The following NYAP2 variants were observed in gnomAD, a reference collection of about 807,000 sequenced individuals.
NYAP2 encodes the protein neuronal tyrosine-phosphorylated phosphoinositide-3-kinase adapter 2.
Under a neutral mutation model 50.4 loss-of-function variants are expected in NYAP2, and 23 were observed. That is an observed-to-expected ratio of 0.46 (90% CI 0.33 to 0.65). NYAP2 has a LOEUF of 0.65. NYAP2 is among the 30% of genes least tolerant of loss of function. The probability of loss-of-function intolerance (pLI) is 0.02; values close to 1 mark genes in which losing one functional copy is unlikely to be tolerated. For synonymous variants in NYAP2, 394 were observed against 365.2 expected (o/e 1.08, Z -0.90); for missense variants, 885 against 861.0 (o/e 1.03, Z -0.35).
At chr2:225,407,966 A>T (rs1256427636) in intron 2 of NYAP2, among the ~76,000 whole-genome samples, 1 of 151,940 alleles carries the variant, frequency 6.6e-6, no homozygotes, top group East Asian at 1.9e-4. Flanking sequence ...ACTATTGTTG[A>T]ACTCTATTCT....
At chr2:225,686,572 GA>G in the NYAP2 span, among the ~76,000 whole-genome samples, 1 of 152,128 alleles carries the variant, frequency 6.6e-6, no homozygotes, top group African/African-American at 2.4e-5. Context: ...TGAAACTGAG[GA>G]AAACAGGGTT....
chr2:225,457,271 T>C (rs1241762380), intron 3 of NYAP2, among the ~76,000 whole-genome samples: 1 of 152,204 alleles, frequency 6.6e-6, no homozygotes, highest in African/African-American at 2.4e-5. Context: ...ATAGATTTAA[T>C]GTGATAGTTA....
intron 5 of NYAP2, among the ~76,000 whole-genome samples, chr2:225,618,186 T>A (rs1006771299): frequency 3.3e-5 from 5 of 152,214 alleles, no homozygotes; most frequent in Non-Finnish European, 7.3e-5. Context: ...TATACACAGC[T>A]ACCGTACCAA....
chr2:225,493,773 A>G (rs1375824784), intron 3 of NYAP2, among the ~76,000 whole-genome samples: 1 of 152,160 alleles, frequency 6.6e-6, no homozygotes, highest in Non-Finnish European at 1.5e-5. Context: ...AAAGAAAAGA[A>G]TTTTTTTGGT....
chr2:225,536,344 C>T (rs1691349645), intron 4 of NYAP2, among the ~76,000 whole-genome samples: 1 of 152,280 alleles, frequency 6.6e-6, no homozygotes, highest in South Asian at 2.1e-4. Flanking sequence ...TGCCCCTTGT[C>T]ATTACTCATG....
chr2:225,576,515 T>C (rs1468360874), intron 4 of NYAP2, among the ~76,000 whole-genome samples: 36 of 152,248 alleles, frequency 2.4e-4, no homozygotes. Context: ...AGAGTTATTG[T>C]GAGCACAGTT....
intron 4 of NYAP2, among the ~76,000 whole-genome samples, chr2:225,580,473 C>G (rs887572801): frequency 6.6e-6 from 1 of 152,158 alleles, no homozygotes; most frequent in African/African-American, 2.4e-5. Context: ...AAAATAACAT[C>G]TAGTTCTACC....
intron 6 of NYAP2, among the ~76,000 whole-genome samples, chr2:225,648,533 TTGAGA>T (rs943843919): frequency 6.6e-6 from 1 of 151,824 alleles, no homozygotes; most frequent in African/African-American, 2.4e-5. Context: ...CTGAGATGAG[TTGAGA>T]TAACTATAAG....
chr2:225,674,395 T>A, the NYAP2 span, among the ~76,000 whole-genome samples: 1 of 152,136 alleles, frequency 6.6e-6, no homozygotes, highest in Non-Finnish European at 1.5e-5. Flanking sequence ...CATCCCTTTA[T>A]CTAGAAGCTT....
At chr2:225,441,213 A>G (rs1486825356) in intron 3 of NYAP2, among the ~76,000 whole-genome samples, 1 of 152,218 alleles carries the variant, frequency 6.6e-6, no homozygotes, top group Admixed American at 6.5e-5. Context: ...AACTAATACT[A>G]CACAATAGTC....
chr2:225,525,019 T>C (rs1031019496), intron 4 of NYAP2, among the ~76,000 whole-genome samples: 11 of 152,094 alleles, frequency 7.2e-5, no homozygotes, highest in African/African-American at 1.9e-4. Flanking sequence ...GAAATCCAAA[T>C]TGAAACCACA....
chr2:225,402,910 T>A lies in NYAP2; in HGVS notation c.-18+1867T>A, dbSNP rs1208291775. Among the ~76,000 whole-genome samples, 6 of 152,060 alleles carry A rather than the reference T, an allele frequency of 3.9e-5. No homozygotes were observed. The South Asian group carries it at 6.2e-4, about 16-fold the overall frequency. ...TGACATGGTTTACATGTGTTATGGG[T>A]TATAACCAGGCTAGTCTGATGATTT... On this transcript the variant is annotated intron_variant, in intron 2 of 6. Coordinates refer to ENST00000636099, the Ensembl canonical transcript of NYAP2.
chr2:225,698,907 C>A, the NYAP2 span: 5 of 151,708 alleles, frequency 3.3e-5, no homozygotes, highest in African/African-American at 1.2e-4. Flanking sequence ...TCCCTTGATG[C>A]CTTTTATTAT....
chr2:225,606,189 C>A (rs1692783311), intron 5 of NYAP2, among the ~76,000 whole-genome samples: 1 of 152,096 alleles, frequency 6.6e-6, no homozygotes, highest in African/African-American at 2.4e-5. Flanking sequence ...TAAGTATGAA[C>A]TGGTACCCAG....
At chr2:225,677,325 G>A in the NYAP2 span, among the ~76,000 whole-genome samples, 1 of 152,056 alleles carries the variant, frequency 6.6e-6, no homozygotes, top group Non-Finnish European at 1.5e-5. Flanking sequence ...AGTCTTCAGG[G>A]TTTCCTATGC....
At chr2:225,421,982 T>C (rs1437839130) in intron 3 of NYAP2, among the ~76,000 whole-genome samples, 2 of 152,368 alleles carry the variant, frequency 1.3e-5, no homozygotes, top group East Asian at 1.9e-4. Flanking sequence ...TTCCACATAA[T>C]TTTACATTTA....
chr2:225,611,779 G>A (rs1267474454), intron 5 of NYAP2, among the ~76,000 whole-genome samples: 1 of 151,710 alleles, frequency 6.6e-6, no homozygotes, highest in Non-Finnish European at 1.5e-5. Context: ...AGATCACAGT[G>A]CCTGGCATTC....
chr2:225,492,039 A>C (rs1690416451), intron 3 of NYAP2, among the ~76,000 whole-genome samples: 1 of 152,184 alleles, frequency 6.6e-6, no homozygotes, highest in South Asian at 2.1e-4. Context: ...TGGGTAGGAC[A>C]GGTCAAGTGC....
At chr2:225,409,524 A>G (rs920461292) in intron 3 of NYAP2, among the ~76,000 whole-genome samples, 2 of 152,054 alleles carry the variant, frequency 1.3e-5, no homozygotes, top group Non-Finnish European at 2.9e-5. Flanking sequence ...GCCAAGATAC[A>G]TCAATAATTA....
Sources: gnomAD v4.1 joint callset for allele counts (sites outside exome capture counted in the v4.1 genomes callset) on GRCh38, gnomAD v4.1.1 for gene constraint, MANE v1.5 for transcripts, NCBI Gene and HGNC (gene_info 2026-07-23, HGNC 2026-07-21) for gene names.